The following TMEM233 variants were observed in gnomAD, a reference collection of about 807,000 sequenced individuals.
TMEM233 encodes the protein dispanin subfamily B member 2.
In TMEM233, 6 loss-of-function variants were observed where a neutral mutation model predicts 11.2. The ratio of observed to expected loss-of-function variants is 0.54; its 90% CI spans 0.29 to 1.06. The LOEUF (loss-of-function observed/expected upper bound fraction) is 1.06, where lower values mean the gene tolerates loss of function less well. Among genes scored for constraint, TMEM233 ranks in the 50% least tolerant of loss-of-function variants. TMEM233 has a pLI of 0.08. For synonymous variants in TMEM233, 59 were observed against 55.8 expected (o/e 1.06, Z -0.26); for missense variants, 127 against 144.7 (o/e 0.88, Z 0.63).
intron 1 of TMEM233, among the ~76,000 whole-genome samples, chr12:119,596,453 C>A (rs1327387857): frequency 2.0e-5 from 3 of 151,504 alleles, no homozygotes; most frequent in African/African-American, 7.3e-5. Context: ...TTCCCTCCCC[C>A]ACTGGAGACA....
downstream of TMEM233, among the ~76,000 whole-genome samples, chr12:119,644,057 A>AT (rs1955119699): frequency 1.3e-5 from 2 of 152,194 alleles, no homozygotes; most frequent in Non-Finnish European, 2.9e-5. Flanking sequence ...TTCTTCCCTA[A>AT]TAGCTCCAGG....
intron 1 of TMEM233, among the ~76,000 whole-genome samples, chr12:119,597,968 T>C (rs1436709907): frequency 6.6e-6 from 1 of 152,188 alleles, no homozygotes; most frequent in East Asian, 1.9e-4. Flanking sequence ...GCACATAGCT[T>C]GGTGAGGAGC....
intron 2 of TMEM233, among the ~76,000 whole-genome samples, chr12:119,637,636 A>C (rs1424948160): frequency 1.3e-5 from 2 of 152,148 alleles, no homozygotes; most frequent in Non-Finnish European, 2.9e-5. Context: ...AATTTTTGTG[A>C]TTCCATAATG....
rs143053879 is a variant in TMEM233, at chr12:119,605,611, T to C, written c.186+11577T>C. Among the ~76,000 whole-genome samples the C allele has an allele frequency of 3.3e-5, 5 of 151,968 alleles. No homozygotes were observed. The East Asian group carries it at 9.7e-4, about 30-fold the overall frequency. On this transcript the variant is annotated intron_variant, in intron 1 of 2. Coordinates refer to ENST00000426426, the MANE Select transcript of TMEM233 (RefSeq NM_001136534.3). ...GCCCAGCTAAACTTTTTTGTATTTA[T>C]TGTATAGATGGTTCACCATGTTGCC...
intron 1 of TMEM233, among the ~76,000 whole-genome samples, chr12:119,622,906 A>G (rs1198224990): frequency 6.6e-6 from 1 of 152,160 alleles, no homozygotes; most frequent in Non-Finnish European, 1.5e-5. Context: ...CCCCATTCCC[A>G]GATTCACTCA....
At chr12:119,629,141 G>GGCTCAT (rs1397257720) in intron 1 of TMEM233, among the ~76,000 whole-genome samples, 1 of 152,206 alleles carries the variant, frequency 6.6e-6, no homozygotes, top group Admixed American at 6.5e-5. Flanking sequence ...CGGGCGTGGT[G>GGCTCAT]GCTCATGCCT....
chr12:119,613,755 C>T (rs562799480), intron 1 of TMEM233, among the ~76,000 whole-genome samples: 30 of 152,206 alleles, frequency 2.0e-4, no homozygotes, highest in African/African-American at 6.7e-4. Flanking sequence ...TTTGAGGCTG[C>T]ACTGAGCTAT....
intron 1 of TMEM233, among the ~76,000 whole-genome samples, chr12:119,610,471 G>A (rs1376633061): frequency 1.3e-5 from 2 of 152,162 alleles, no homozygotes; most frequent in African/African-American, 4.8e-5. Context: ...TTGTGGTTTA[G>A]CTGTGTCCTC....
chr12:119,651,043 A>G, the TMEM233 span, among the ~76,000 whole-genome samples: 1 of 152,262 alleles, frequency 6.6e-6, no homozygotes, highest in African/African-American at 2.4e-5. Context: ...AAAAACAGCT[A>G]CATTTCTACT....
chr12:119,606,938 A>G (rs1377667620), intron 1 of TMEM233, among the ~76,000 whole-genome samples: 1 of 152,244 alleles, frequency 6.6e-6, no homozygotes, highest in Non-Finnish European at 1.5e-5. Flanking sequence ...AGTGCTTTTG[A>G]AGAATTTTTA....
chr12:119,597,289 TG>T (rs1167356280), intron 1 of TMEM233, among the ~76,000 whole-genome samples: 9 of 152,158 alleles, frequency 5.9e-5, no homozygotes, highest in Admixed American at 2.0e-4. Context: ...TGGCATTTGG[TG>T]GAAAAAGCCG....
At chr12:119,644,905 G>A (rs1343820405), downstream of TMEM233, among the ~76,000 whole-genome samples, 1 of 152,208 alleles carries the variant, frequency 6.6e-6, no homozygotes, top group Non-Finnish European at 1.5e-5. Context: ...ATGTTTAAGA[G>A]AGACCCCTGA....
chr12:119,614,385 T>TGA (rs1008673596), intron 1 of TMEM233, among the ~76,000 whole-genome samples: 10 of 145,298 alleles, frequency 6.9e-5, no homozygotes, highest in African/African-American at 2.3e-4. Flanking sequence ...CCAGGCTGGG[T>TGA]GAGAGAGAGA....
rs1186240465 is a variant in TMEM233, at chr12:119,642,083, C to T, written c.*1378C>T. The T allele has an allele frequency of 6.6e-6, 1 of 152,178 alleles. No homozygotes were observed. Among genetic ancestry groups the T allele is most frequent in the African/African-American group, 2.4e-5 (1 of 41,434 alleles). The allele number at this position is 152,178 out of a possible 1,614,324, so 9.4% of individuals were successfully genotyped here. ...TCAAGAAAATATCAAGTAATTAACA[C>T]ACCAGATAAGTATATGTGGCAAAAG... On this transcript the variant is annotated 3_prime_UTR_variant, in exon 3 of 3. Coordinates refer to ENST00000426426, the MANE Select transcript of TMEM233 (RefSeq NM_001136534.3).
rs535099182 is a variant in TMEM233, at chr12:119,604,597, T to G, written c.186+10563T>G. 2.6e-5 allele frequency among the ~76,000 whole-genome samples: 4 copies of G among 152,240 alleles called. No homozygotes were observed. The East Asian group carries it at 7.7e-4, about 29-fold the overall frequency. On this transcript the variant is annotated intron_variant, in intron 1 of 2. Transcript: ENST00000426426. Reference sequence around the variant, plus strand: ...CCCACCTCTCCCCCTTTCTTCCAACTTGCATGTTTTTTTGGTTTGGTTGGT... The same window carrying G: ...CCCACCTCTCCCCCTTTCTTCCAACGTGCATGTTTTTTTGGTTTGGTTGGT...
chr12:119,604,326 C>G (rs776607996), intron 1 of TMEM233, among the ~76,000 whole-genome samples: 1 of 152,168 alleles, frequency 6.6e-6, no homozygotes, highest in African/African-American at 2.4e-5. Flanking sequence ...TCTTTTCTTT[C>G]CTTTGGAGCT....
intron 1 of TMEM233, among the ~76,000 whole-genome samples, chr12:119,598,421 A>C (rs1441449020): frequency 2.0e-5 from 3 of 152,220 alleles, no homozygotes; most frequent in Admixed American, 2.0e-4. Context: ...ACAATAACCA[A>C]TGACTTTTGA....
chr12:119,633,832 A>G (rs1164461293), intron 2 of TMEM233, among the ~76,000 whole-genome samples: 1 of 152,188 alleles, frequency 6.6e-6, no homozygotes, highest in Non-Finnish European at 1.5e-5. Flanking sequence ...TTTTAAGGCA[A>G]AAGTACCCAA....
chr12:119,646,999 T>C (rs1955161480), downstream of TMEM233, among the ~76,000 whole-genome samples: 1 of 152,182 alleles, frequency 6.6e-6, no homozygotes, highest in South Asian at 2.1e-4. Flanking sequence ...CTTAATCACA[T>C]CATTCCTCTG....
Sources: allele counts gnomAD v4.1 joint callset (sites outside exome capture counted in the v4.1 genomes callset), GRCh38; gene constraint gnomAD v4.1.1; transcripts MANE v1.5; gene names NCBI Gene and HGNC (gene_info 2026-07-23, HGNC 2026-07-21).